Variants in TRPC4 observed in about 807,000 individuals in gnomAD.
The protein encoded by TRPC4 is short transient receptor potential channel 4.
A neutral mutation model predicts 99.4 loss-of-function variants in TRPC4; 49 were observed. The ratio of observed to expected loss-of-function variants is 0.49; its 90% CI spans 0.39 to 0.63. The LOEUF (loss-of-function observed/expected upper bound fraction) is 0.63, where lower values mean the gene tolerates loss of function less well. Ranked by LOEUF, TRPC4 falls within the 20% of genes least tolerant of loss-of-function variation. The pLI is 0.00. For missense variants in TRPC4, 898 were observed against 1,152.9 expected (o/e 0.78, Z 3.20); for synonymous variants, 454 against 425.9 (o/e 1.07, Z -0.81).
At chr13:37,775,626 C>G (rs1956678689) in intron 2 of TRPC4, among the ~76,000 whole-genome samples, 1 of 151,652 alleles carries the variant, frequency 6.6e-6, no homozygotes, top group East Asian at 2.0e-4. Flanking sequence ...AACTCTCTCT[C>G]TAAACATTTT....
chr13:37,772,199 T>C (rs1415922104), intron 2 of TRPC4, among the ~76,000 whole-genome samples: 1 of 151,656 alleles, frequency 6.6e-6, no homozygotes. Context: ...ACACAGTTAG[T>C]GTATGGAAAG....
intron 4 of TRPC4, among the ~76,000 whole-genome samples, chr13:37,689,503 C>A (rs765992930): frequency 1.8e-4 from 27 of 152,252 alleles, no homozygotes; most frequent in African/African-American, 6.5e-4. Context: ...ATCATTTGCA[C>A]GCATTTTTTA....
At chr13:37,803,046 C>T (rs1409444762) in intron 1 of TRPC4, among the ~76,000 whole-genome samples, 3 of 151,788 alleles carry the variant, frequency 2.0e-5, no homozygotes. Flanking sequence ...GAGTTATAAC[C>T]TGATACTATT....
At chr13:37,719,737 T>C (rs886102488) in intron 3 of TRPC4, among the ~76,000 whole-genome samples, 1 of 151,908 alleles carries the variant, frequency 6.6e-6, no homozygotes, top group Non-Finnish European at 1.5e-5. Context: ...AAACTCCAAG[T>C]AGATTGTGAA....
chr13:37,651,334 G>A lies in TRPC4; in HGVS notation c.2010C>T (p.Ile670=), dbSNP rs1170073688. The part of the protein sequence containing the change: ...IPSPKSLWYL[I]KWIWTHLCKK... ...TGCACAAGTGTGTCCAGATCCATTT[G>A]ATCAGGTACCAGAGAGACTTGGGGC... Residue 670 remains isoleucine (I), a synonymous_variant, in exon 8 of 11, where the codon ATC becomes ATT. Coordinates refer to ENST00000379705, the MANE Select transcript of TRPC4 (RefSeq NM_016179.4). The A allele has an allele frequency of 6.2e-7, 1 of 1,614,106 alleles. No individual in the cohort carries two copies. Among genetic ancestry groups the A allele is most frequent in the Non-Finnish European group, 8.5e-7 (1 of 1,179,998 alleles).
chr13:37,736,734 T>C (rs1203824096), intron 3 of TRPC4, among the ~76,000 whole-genome samples: 1 of 151,992 alleles, frequency 6.6e-6, no homozygotes, highest in Non-Finnish European at 1.5e-5. Context: ...CAAACTTTTT[T>C]CTTTTTCTTT....
chr13:37,821,582 C>T (rs952093271), intron 1 of TRPC4, among the ~76,000 whole-genome samples: 1 of 152,100 alleles, frequency 6.6e-6, no homozygotes, highest in Non-Finnish European at 1.5e-5. Context: ...GCTACAGTAA[C>T]TGAAACAGCA....
intron 1 of TRPC4, among the ~76,000 whole-genome samples, chr13:37,812,878 C>T (rs1957741999): frequency 6.6e-6 from 1 of 151,876 alleles, no homozygotes; most frequent in East Asian, 1.9e-4. Context: ...ACAATTGCTC[C>T]TTCCCTTGGA....
At chr13:37,676,280 A>G (rs1483804696) in intron 4 of TRPC4, among the ~76,000 whole-genome samples, 1 of 148,290 alleles carries the variant, frequency 6.7e-6, no homozygotes, top group Non-Finnish European at 1.5e-5. Context: ...AAAAAAAAAA[A>G]GGAAAAAAGA....
At chr13:37,804,967 A>G (rs1957494620) in intron 1 of TRPC4, among the ~76,000 whole-genome samples, 1 of 152,118 alleles carries the variant, frequency 6.6e-6, no homozygotes, top group Non-Finnish European at 1.5e-5. Context: ...ATACTTAATT[A>G]ACAAAATTGC....
chr13:37,647,269 A>G (rs1951882611), intron 8 of TRPC4, among the ~76,000 whole-genome samples: 1 of 152,124 alleles, frequency 6.6e-6, no homozygotes, highest in Non-Finnish European at 1.5e-5. Flanking sequence ...TACAAATGGG[A>G]AGGTTACAGA....
rs576858464 is a variant in TRPC4 at position 37,643,686 on chromosome 13, T to C, written c.2080-4387A>G. 1.6e-4 allele frequency among the ~76,000 whole-genome samples: 25 copies of C among 152,260 alleles called. No homozygotes were observed. The South Asian group carries it at 5.2e-3, about 32-fold the overall frequency. ...TACAGATTAGATTGTAGTGGGAAATTAGCGTGGACTCTTAATGTAGAATTT... is the reference window on the plus strand; with the variant it reads ...TACAGATTAGATTGTAGTGGGAAATCAGCGTGGACTCTTAATGTAGAATTT... On this transcript the variant is annotated intron_variant, in intron 8 of 10. Transcript: ENST00000379705.
rs114109217 is a variant in TRPC4 at position 37,832,793 on chromosome 13, G to T, written c.-28+36802C>A. On this transcript the variant is annotated intron_variant, in intron 1 of 10. Transcript: ENST00000379705. ...ACAAAATATATGCTTTAAATGTAAA[G>T]ATAACAGTTAAAAGTAAAAAGGTGG... Among the ~76,000 whole-genome samples, 950 of 152,136 alleles carry T rather than the reference G, an allele frequency of 6.2e-3. 3 individuals are homozygous for T. The highest frequency in any genetic ancestry group is 0.022 in the African/African-American group (896 of 41,512).
At chr13:37,641,450 C>G in intron 8 of TRPC4, among the ~76,000 whole-genome samples, 1 of 152,228 alleles carries the variant, frequency 6.6e-6, no homozygotes, top group Non-Finnish European at 1.5e-5. Context: ...AAAATTTTAT[C>G]AGGCAATGAA....
At chr13:37,824,032 C>T (rs1383385941) in intron 1 of TRPC4, among the ~76,000 whole-genome samples, 2 of 140,076 alleles carry the variant, frequency 1.4e-5, no homozygotes, top group Non-Finnish European at 3.1e-5. Flanking sequence ...CTCTTTGAAG[C>T]AATTGTGAAT....
intron 1 of TRPC4, among the ~76,000 whole-genome samples, chr13:37,789,429 C>A (rs554821987): frequency 6.6e-6 from 1 of 152,246 alleles, no homozygotes; most frequent in South Asian, 2.1e-4. Flanking sequence ...TCTTTATAAA[C>A]CCTGTGGATC....
chr13:37,855,954 A>C (rs1239385831), intron 1 of TRPC4, among the ~76,000 whole-genome samples: 1 of 151,902 alleles, frequency 6.6e-6, no homozygotes, highest in African/African-American at 2.4e-5. Flanking sequence ...TAAATGATTT[A>C]AGGATGCTTC....
chr13:37,720,342 G>T (rs17056501), intron 3 of TRPC4, among the ~76,000 whole-genome samples: 25,328 of 151,984 alleles, frequency 0.17, 2,601 homozygotes, highest in African/African-American at 0.29. Context: ...AGCTATCTAG[G>T]GCAGATCCTA....
At chr13:37,761,846 C>T (rs1034074848) in intron 2 of TRPC4, among the ~76,000 whole-genome samples, 22 of 151,734 alleles carry the variant, frequency 1.4e-4, no homozygotes, top group African/African-American at 4.6e-4. Context: ...AATTTCCTGG[C>T]GGGCCGATTT....
Sources: allele counts gnomAD v4.1 joint callset (sites outside exome capture counted in the v4.1 genomes callset), GRCh38; gene constraint gnomAD v4.1.1; transcripts MANE v1.5; gene names NCBI Gene and HGNC (gene_info 2026-07-23, HGNC 2026-07-21).